The following EML1 variants were observed in gnomAD, a reference collection of about 807,000 sequenced individuals.
The protein encoded by EML1 is echinoderm microtubule-associated protein-like 1.
In EML1, 27 loss-of-function variants were observed where a neutral mutation model predicts 110.4. The ratio of observed to expected loss-of-function variants is 0.24; its 90% CI spans 0.18 to 0.34. EML1 has a LOEUF of 0.34. Among genes scored for constraint, EML1 ranks in the 10% least tolerant of loss-of-function variants. The probability of loss-of-function intolerance (pLI) is 1.00; values close to 1 mark genes in which losing one functional copy is unlikely to be tolerated. For missense variants in EML1, 741 were observed against 1,030.9 expected, an observed-to-expected ratio of 0.72 and a Z score of 3.85; for synonymous variants, 344 against 385.8, an observed-to-expected ratio of 0.89 and a Z score of 1.27.
Position 99,901,057 on chromosome 14 carries a change from G to A in EML1, c.1008+18G>A. 6.3e-7 allele frequency: 1 copy of A among 1,596,140 alleles called. No homozygotes were observed. The highest frequency in any genetic ancestry group is 8.6e-7 in the Non-Finnish European group (1 of 1,163,794). On this transcript the variant is annotated intron_variant, in intron 9 of 21. Coordinates refer to ENST00000262233, the MANE Select transcript of EML1 (RefSeq NM_004434.3). ...CAAAATCTGTAAGTATGTGCCCTGT[G>A]GATATTGCTGTCTTCTTCCACAGGA...
In EML1 at chr14:99,830,794, G is replaced by A. The variant is rs1292614515; in HGVS notation, c.68-20059G>A. ...TCGAACTCCTGACCTCAGGTGATCC[G>A]CCCGCCTCAGCCTCCTAAAGTGCTG... is the stretch of plus-strand genomic sequence containing the variant. On this transcript the variant is annotated intron_variant, in intron 1 of 21. Transcript: ENST00000262233. Among the ~76,000 whole-genome samples the A allele has an allele frequency of 2.6e-5, 4 of 151,906 alleles. No homozygotes were observed. The East Asian group carries it at 5.8e-4, about 22-fold the overall frequency.
At chr14:99,918,074 G>C (rs1188099020) in intron 16 of EML1, among the ~76,000 whole-genome samples, 1 of 152,126 alleles carries the variant, frequency 6.6e-6, no homozygotes, top group Non-Finnish European at 1.5e-5. Context: ...CCTGGAAAAG[G>C]ACCCTCTACC....
intron 16 of EML1, 70 bp downstream of exon 16, chr14:99,917,919 C>G (rs745356589): frequency 1.3e-6 from 2 of 1,486,210 alleles, no homozygotes; most frequent in Non-Finnish European, 1.9e-6. Flanking sequence ...TCTATTTCCC[C>G]AGGAACAGGC....
At chr14:99,863,219 C>A (rs2059031595) in intron 2 of EML1, among the ~76,000 whole-genome samples, 1 of 152,230 alleles carries the variant, frequency 6.6e-6, no homozygotes, top group Non-Finnish European at 1.5e-5. Flanking sequence ...TGCTGATGCG[C>A]AGTTCCTGTT....
In EML1 at chr14:99,911,437, G is replaced by A; in HGVS notation, c.1355G>A (p.Ser452Asn). 7 of 1,603,876 alleles carry A rather than the reference G, an allele frequency of 4.4e-6. No individual in the cohort carries two copies. The highest frequency in any genetic ancestry group is 5.9e-6 in the Non-Finnish European group (7 of 1,178,144). The change falls in exon 13 of 22, where the codon AGC (serine) becomes AAC (asparagine). Residue 452 changes from serine to asparagine, a missense_variant. Physicochemically the swap from Ser to Asn is conservative, Grantham distance 46. Transcript: ENST00000262233. ...GTGTGTTTAGGTACAAATCGAATAA[G>A]CTATGCAGTTCAGGGGGCCCATGAG... ...LVWGKGTNRI[S>N]YAVQGAHEGG...
intron 3 of EML1, among the ~76,000 whole-genome samples, chr14:99,876,272 GCA>G (rs2059289772): frequency 6.6e-6 from 1 of 152,172 alleles, no homozygotes; most frequent in Admixed American, 6.5e-5. Flanking sequence ...GAGCTTCAGT[GCA>G]GGCGCAGGGG....
intron 1 of EML1, among the ~76,000 whole-genome samples, chr14:99,810,734 T>C (rs1350596241): frequency 6.6e-6 from 1 of 152,234 alleles, no homozygotes. Flanking sequence ...ATAATCTATG[T>C]GACTGCTTTG....
intron 6 of EML1, among the ~76,000 whole-genome samples, chr14:99,896,789 C>T (rs182562160): frequency 4.7e-5 from 7 of 149,400 alleles, no homozygotes; most frequent in African/African-American, 1.5e-4. Flanking sequence ...GTGTGTGTGT[C>T]ATTTGTACCC....
chr14:99,886,032 C>T, intron 4 of EML1: 1 of 347,194 alleles, frequency 2.9e-6, no homozygotes, highest in South Asian at 2.3e-5. Flanking sequence ...ATAAAGTCTC[C>T]AGCAACTTCT....
rs140996142 is a variant in EML1 at position 99,930,555 on chromosome 14, T to C, written c.1910-5474T>C. Among the ~76,000 whole-genome samples the C allele has an allele frequency of 1.3e-3, 195 of 152,354 alleles. 1 individual carries two copies. Among genetic ancestry groups the C allele is most frequent in the African/African-American group, 4.6e-3 (192 of 41,578 alleles). ...TATTTTATATAACATGGTCTTTTGC[T>C]GATAAACTAATGTTACGTGAAAGTT... On this transcript the variant is annotated intron_variant, in intron 17 of 21. Coordinates refer to ENST00000262233, the MANE Select transcript of EML1 (RefSeq NM_004434.3).
chr14:99,817,601 TG>T (rs1214511683), intron 1 of EML1, among the ~76,000 whole-genome samples: 2 of 152,210 alleles, frequency 1.3e-5, no homozygotes, highest in Non-Finnish European at 2.9e-5. Context: ...AGGGACTTCC[TG>T]AAGGGGTCTC....
intron 8 of EML1, 80 bp downstream of exon 8, chr14:99,898,382 T>A (rs924099642): frequency 1.3e-5 from 17 of 1,332,320 alleles, no homozygotes; most frequent in East Asian, 2.5e-5. Flanking sequence ...TGCTGCTGAG[T>A]AAGGCTGCTT....
intron 1 of EML1, among the ~76,000 whole-genome samples, chr14:99,812,769 T>C (rs2058103520): frequency 6.6e-6 from 1 of 152,192 alleles, no homozygotes; most frequent in African/African-American, 2.4e-5. Flanking sequence ...AATTGTTTGT[T>C]TGGAGTTCCC....
chr14:99,907,344 C>T (rs56187017), intron 9 of EML1: 9,494 of 348,948 alleles, frequency 0.027, 293 homozygotes, highest in Admixed American at 0.11. Context: ...GGTACACACC[C>T]GCGGTCCCAG....
chr14:99,740,629 C>T (rs2140158620), intron 1 of EML1, among the ~76,000 whole-genome samples: 1 of 152,314 alleles, frequency 6.6e-6, no homozygotes, highest in East Asian at 1.9e-4. Flanking sequence ...AACTCTCCTG[C>T]ATCAAGTACC....
chr14:99,860,145 C>T (rs2058978138), intron 2 of EML1, among the ~76,000 whole-genome samples: 1 of 152,158 alleles, frequency 6.6e-6, no homozygotes, highest in Non-Finnish European at 1.5e-5. Flanking sequence ...AGGATTCCAG[C>T]CATCCTGCAA....
chr14:99,779,299 C>A (rs55998309), intron 1 of EML1, among the ~76,000 whole-genome samples: 1 of 151,866 alleles, frequency 6.6e-6, no homozygotes, highest in African/African-American at 2.4e-5. Flanking sequence ...TGTATTTCTA[C>A]GGCCATATTT....
intron 9 of EML1, 33 bp from the exon 10 acceptor site, chr14:99,907,605 A>G: frequency 4.4e-6 from 7 of 1,578,314 alleles, no homozygotes; most frequent in Non-Finnish European, 5.2e-6. Flanking sequence ...TTATTCTCAG[A>G]TATAGTCTTC....
intron 1 of EML1, among the ~76,000 whole-genome samples, chr14:99,805,560 G>C (rs917000607): frequency 6.6e-6 from 1 of 151,894 alleles, no homozygotes; most frequent in Non-Finnish European, 1.5e-5. Flanking sequence ...CTGCAGCCTC[G>C]ACCTCCCCAG....
Sources: gnomAD v4.1 joint callset for allele counts (sites outside exome capture counted in the v4.1 genomes callset) on GRCh38, gnomAD v4.1.1 for gene constraint, MANE v1.5 for transcripts, NCBI Gene and HGNC (gene_info 2026-07-23, HGNC 2026-07-21) for gene names.